CLNK: variants seen among roughly 807,000 people sequenced by gnomAD.
The protein encoded by CLNK is cytokine dependent hematopoietic cell linker.
In CLNK, 74 loss-of-function variants were observed where a neutral mutation model predicts 68.6. That is an observed-to-expected ratio of 1.08 (90% confidence interval 0.89 to 1.31). The LOEUF is 1.31. Ranked by LOEUF, CLNK falls within the 50% of genes most tolerant of loss-of-function variation. CLNK has a pLI of 0.00. For synonymous variants in CLNK, 198 were observed against 172.2 expected, an observed-to-expected ratio of 1.15 and a Z score of -1.17; for missense variants, 553 against 515.3, an observed-to-expected ratio of 1.07 and a Z score of -0.71.
At chr4:10,540,306 A>G (rs1718961601) in intron 11 of CLNK, among the ~76,000 whole-genome samples, 188 bp downstream of exon 11, 1 of 152,166 alleles carries the variant, frequency 6.6e-6, no homozygotes, top group African/African-American at 2.4e-5. Context: ...GCCATGTGAA[A>G]CTGTGGGTCA....
chr4:10,641,011 G>A (rs1270552174), intron 2 of CLNK, among the ~76,000 whole-genome samples: 2 of 152,066 alleles, frequency 1.3e-5, no homozygotes, highest in Non-Finnish European at 2.9e-5. Flanking sequence ...GCATGTCAGG[G>A]CTATTTTTCA....
intron 2 of CLNK, among the ~76,000 whole-genome samples, chr4:10,636,178 A>G (rs1164206770): frequency 6.6e-6 from 1 of 152,184 alleles, no homozygotes; most frequent in Non-Finnish European, 1.5e-5. Context: ...ATGTGAATTT[A>G]TTTGGATATA....
chr4:10,499,977 A>AGGGTTAGGACTTCAACGTGT (rs1716973168), intron 18 of CLNK, among the ~76,000 whole-genome samples: 1 of 152,126 alleles, frequency 6.6e-6, no homozygotes, highest in Non-Finnish European at 1.5e-5. Flanking sequence ...TGGGCTACTG[A>AGGGTTAGGACTTCAACGTGT]GGGTTAGGAC....
At chr4:10,650,623 T>C (rs1221072638) in intron 2 of CLNK, among the ~76,000 whole-genome samples, 1 of 152,168 alleles carries the variant, frequency 6.6e-6, no homozygotes, top group Non-Finnish European at 1.5e-5. Flanking sequence ...TCTGAAATTA[T>C]ATGTCTAATA....
At chr4:10,563,723 AT>A (rs1212701954) in intron 7 of CLNK, among the ~76,000 whole-genome samples, 1 of 152,128 alleles carries the variant, frequency 6.6e-6, no homozygotes, top group Non-Finnish European at 1.5e-5. Flanking sequence ...CCTGACCAAC[AT>A]GGTGAAATCC....
At chr4:10,516,008 C>A (rs187420616) in intron 15 of CLNK, among the ~76,000 whole-genome samples, 1 of 152,196 alleles carries the variant, frequency 6.6e-6, no homozygotes, top group African/African-American at 2.4e-5. Context: ...TCTCTATATA[C>A]CTCAATCAAA....
chr4:10,547,074 C>T (rs1049442839), intron 8 of CLNK, among the ~76,000 whole-genome samples: 3 of 152,136 alleles, frequency 2.0e-5, no homozygotes, highest in African/African-American at 4.8e-5. Flanking sequence ...GCAGAGCACT[C>T]ATGATCCAAT....
intron 8 of CLNK, among the ~76,000 whole-genome samples, chr4:10,542,907 C>T (rs892526454): frequency 6.6e-6 from 1 of 151,996 alleles, no homozygotes; most frequent in Non-Finnish European, 1.5e-5. Flanking sequence ...GAGCCTGGAA[C>T]AGATTTGTCT....
intron 3 of CLNK, among the ~76,000 whole-genome samples, chr4:10,588,267 T>C (rs1236040308): frequency 1.3e-5 from 2 of 152,220 alleles, no homozygotes; most frequent in Non-Finnish European, 2.9e-5. Context: ...AACTTTGACT[T>C]CTAAATTAGG....
chr4:10,723,932 G>A, the CLNK span, among the ~76,000 whole-genome samples: 4 of 147,154 alleles, frequency 2.7e-5, no homozygotes, highest in Admixed American at 2.0e-4. Flanking sequence ...GCAGGGCAGC[G>A]TGGCTTTGGT....
intron 2 of CLNK, among the ~76,000 whole-genome samples, chr4:10,657,451 A>C (rs1251583549): frequency 6.6e-6 from 1 of 152,248 alleles, no homozygotes; most frequent in Non-Finnish European, 1.5e-5. Context: ...TTTTATAAGT[A>C]TTCCTTTGTA....
rs114950163 is a variant in CLNK, at chr4:10,632,476, A to G, written c.12-34427T>C. 1.7e-3 allele frequency among the ~76,000 whole-genome samples: 261 copies of G among 152,372 alleles called. 1 individual carries two copies. Among genetic ancestry groups the G allele is most frequent in the African/African-American group, 5.9e-3 (247 of 41,590 alleles). On this transcript the variant is annotated intron_variant, in intron 2 of 18. Transcript: ENST00000226951. ...ACGCATATCAGACTATACAACTTTC[A>G]TTTAACATCTACAACCTTTGTGTGA...
chr4:10,608,677 C>G (rs1489466043), intron 2 of CLNK, among the ~76,000 whole-genome samples: 2 of 152,184 alleles, frequency 1.3e-5, no homozygotes, highest in African/African-American at 4.8e-5. Flanking sequence ...GAAGAAAACC[C>G]TCATGTTATT....
chr4:10,597,840 C>T, intron 3 of CLNK, 138 bp downstream of exon 3: 2 of 642,440 alleles, frequency 3.1e-6, no homozygotes, highest in South Asian at 4.0e-5. Flanking sequence ...TTCTCCTGCA[C>T]CTTGGTCTCT....
chr4:10,648,936 A>ATATAGATTAG (rs1437966315), intron 2 of CLNK, among the ~76,000 whole-genome samples: 1 of 152,164 alleles, frequency 6.6e-6, no homozygotes, highest in Admixed American at 6.6e-5. Context: ...GCATCTTAAT[A>ATATAGATTAG]TATAGATTAG....
rs144509014 is a variant in CLNK, at chr4:10,500,406, C to T, written c.1140+850G>A. Among the ~76,000 whole-genome samples, 663 of 152,300 alleles carry T rather than the reference C, an allele frequency of 4.4e-3. 4 individuals are homozygous for T. Among genetic ancestry groups the T allele is most frequent in the Non-Finnish European group, 5.5e-3 (375 of 68,022 alleles). On this transcript the variant is annotated intron_variant, in intron 18 of 18. Coordinates refer to ENST00000226951, the MANE Select transcript of CLNK (RefSeq NM_052964.4). ...TCAAAATAAGATACTGCTGGCTGGG[C>T]ACAGTGGCTCACGCCTGTAATCCCA...
chr4:10,632,777 A>G (rs1722940463), intron 2 of CLNK, among the ~76,000 whole-genome samples: 1 of 152,056 alleles, frequency 6.6e-6, no homozygotes, highest in Non-Finnish European at 1.5e-5. Context: ...AAAATTCTCA[A>G]TTTTCATTTG....
chr4:10,716,187 C>A, the CLNK span, among the ~76,000 whole-genome samples: 1 of 152,138 alleles, frequency 6.6e-6, no homozygotes, highest in African/African-American at 2.4e-5. Context: ...TCTCCTAAGC[C>A]AGGAAAATTT....
chr4:10,492,325 G>T (rs1464867065), intron 18 of CLNK, among the ~76,000 whole-genome samples: 1 of 152,152 alleles, frequency 6.6e-6, no homozygotes, highest in African/African-American at 2.4e-5. Context: ...AAGAAAGGGA[G>T]CCGTGTGGGG....
Sources: gnomAD v4.1 joint callset for allele counts (sites outside exome capture counted in the v4.1 genomes callset) on GRCh38, gnomAD v4.1.1 for gene constraint, MANE v1.5 for transcripts, NCBI Gene and HGNC (gene_info 2026-07-23, HGNC 2026-07-21) for gene names.